Variants in ACSL4 observed in about 807,000 individuals in gnomAD.
ACSL4 encodes the protein acyl-CoA synthetase long chain family member 4, also known as long-chain-fatty-acid--CoA ligase 4.
ACSL4 carries 9 observed loss-of-function variants against 49.1 expected under a neutral mutation model. The ratio of observed to expected loss-of-function variants is 0.18; its 90% CI spans 0.11 to 0.32. ACSL4 has a LOEUF of 0.32. Among genes scored for constraint, ACSL4 ranks in the 10% least tolerant of loss-of-function variants. The probability of loss-of-function intolerance (pLI) is 1.00; values close to 1 mark genes in which losing one functional copy is unlikely to be tolerated. For synonymous variants in ACSL4, 191 were observed against 170.3 expected (o/e 1.12, Z -0.95); for missense variants, 333 against 493.7 (o/e 0.67, Z 3.08).
chrX:109,731,816 G>C (rs1306287481), intron 1 of ACSL4, among the ~76,000 whole-genome samples: 1 of 112,110 alleles, frequency 8.9e-6, no homozygotes, highest in Admixed American at 9.4e-5. Flanking sequence ...CAAAAGATGA[G>C]CTATTTTACA....
intron 11 of ACSL4, among the ~76,000 whole-genome samples, chrX:109,665,780 A>T (rs1248646854): frequency 8.9e-6 from 1 of 112,044 alleles, no homozygotes; most frequent in East Asian, 2.8e-4. Context: ...GTCATAAGAT[A>T]GATTTTGATT....
At chrX:109,697,349 G>A (rs1377778632) in intron 1 of ACSL4, among the ~76,000 whole-genome samples, 1 of 111,309 alleles carries the variant, frequency 9.0e-6, no homozygotes, top group East Asian at 2.8e-4. Context: ...TTTTTGTTTT[G>A]TTGGTTTTTT....
chrX:109,675,209 A>C (rs1842609189), intron 8 of ACSL4, among the ~76,000 whole-genome samples: 1 of 113,084 alleles, frequency 8.8e-6, no homozygotes, highest in African/African-American at 3.2e-5. Flanking sequence ...CATGTCCTTC[A>C]GGTCGGAGTT....
intron 14 of ACSL4, among the ~76,000 whole-genome samples, chrX:109,661,204 A>G (rs1237625061): frequency 8.9e-6 from 1 of 112,184 alleles, no homozygotes; most frequent in Non-Finnish European, 1.9e-5. Context: ...TGGGTTCAAA[A>G]TTCATCTCAA....
intron 1 of ACSL4, among the ~76,000 whole-genome samples, chrX:109,702,168 T>C (rs1261552678): frequency 9.1e-6 from 1 of 110,383 alleles, no homozygotes; most frequent in Non-Finnish European, 1.9e-5. Flanking sequence ...TGAGCCAAGA[T>C]TGCATCATTG....
chrX:109,684,244 A>C (rs890762318), intron 2 of ACSL4, among the ~76,000 whole-genome samples: 1 of 112,363 alleles, frequency 8.9e-6, no homozygotes, highest in Non-Finnish European at 1.9e-5. Context: ...CATGGGAGCA[A>C]TACAATTGTA....
chrX:109,669,454 C>T (rs1184020132), intron 9 of ACSL4, among the ~76,000 whole-genome samples: 4 of 106,036 alleles, frequency 3.8e-5, no homozygotes, highest in East Asian at 2.9e-4. Context: ...AGTGCAGTGG[C>T]GGGATCTCGG....
rs768380765 is a variant in ACSL4 at position 109,646,278 on chromosome X, T to C, written c.1856-2092A>G. Among the ~76,000 whole-genome samples, 559 of 111,177 alleles carry C rather than the reference T, an allele frequency of 5.0e-3. 4 individuals are homozygous for C. The highest frequency in any genetic ancestry group is 0.016 in the African/African-American group (488 of 30,517). On this transcript the variant is annotated intron_variant, in intron 15 of 15. Transcript: ENST00000672401. ...GTTAAGGGCAGCCAGAGAGAAAGGTTGGGGTACCCTCAAAGGGAAGCCCAT... is the reference window on the plus strand; with the variant it reads ...GTTAAGGGCAGCCAGAGAGAAAGGTCGGGGTACCCTCAAAGGGAAGCCCAT...
rs1204627369 is a variant in ACSL4 at position 109,679,952 on chromosome X, G to A, written c.655+1046C>T. Reference sequence around the variant, plus strand: ...CAATTCTCTATGGGTCTCATGTTCTGCACATCTTGCAAGCAGAGACATTGA... The same window carrying A: ...CAATTCTCTATGGGTCTCATGTTCTACACATCTTGCAAGCAGAGACATTGA... On this transcript the variant is annotated intron_variant, in intron 6 of 15. Transcript: ENST00000672401. Among the ~76,000 whole-genome samples the A allele has an allele frequency of 2.7e-5, 3 of 111,724 alleles. No homozygotes were observed. In the East Asian group the frequency reaches 8.4e-4, roughly 31 times the overall value.
chrX:109,657,416 G>A (rs759879192), intron 15 of ACSL4, among the ~76,000 whole-genome samples: 2 of 102,220 alleles, frequency 2.0e-5, no homozygotes, highest in African/African-American at 7.3e-5. Context: ...CCCTTCCTGT[G>A]TCCAAGTGTT....
At chrX:109,689,909 A>T (rs183651746) in intron 2 of ACSL4, among the ~76,000 whole-genome samples, 26 of 112,322 alleles carry the variant, frequency 2.3e-4, no homozygotes, top group African/African-American at 7.8e-4. Flanking sequence ...TGTTGGCTTC[A>T]ATCAAATTGT....
chrX:109,693,285 C>CT (rs1925184532), intron 2 of ACSL4, among the ~76,000 whole-genome samples: 1 of 111,230 alleles, frequency 9.0e-6, no homozygotes, highest in Non-Finnish European at 1.9e-5. Flanking sequence ...ACTCATTCTG[C>CT]TTTTCAGTAT....
intron 14 of ACSL4, among the ~76,000 whole-genome samples, chrX:109,660,826 A>G (rs1246370739): frequency 8.9e-6 from 1 of 112,011 alleles, no homozygotes; most frequent in Non-Finnish European, 1.9e-5. Flanking sequence ...AATTAAGCCA[A>G]TCACAAAAAG....
At chrX:109,648,482 T>A (rs1360352981) in intron 15 of ACSL4, among the ~76,000 whole-genome samples, 1 of 111,139 alleles carries the variant, frequency 9.0e-6, no homozygotes, top group Non-Finnish European at 1.9e-5. Flanking sequence ...CAACGCTTCA[T>A]GCTAAAAACT....
rs1922352062 is a variant in ACSL4 at position 109,663,520 on chromosome X, A to ACATT, written c.1391-122_1391-119dup. The ACATT allele has an allele frequency of 7.9e-6, 5 of 636,167 alleles. No individual in the cohort carries two copies. In the Admixed American group the frequency reaches 1.5e-4, roughly 19 times the overall value. 52.4% of individuals were successfully genotyped at this position (636,167 alleles called of 1,213,427 possible). ...AGATTTTATATCACTTTATGAGAGA[A>ACATT]CATTAGTTTATATTTACTAAAATTT... On this transcript the variant is annotated intron_variant, in intron 12 of 15. Coordinates refer to ENST00000672401, the MANE Select transcript of ACSL4 (RefSeq NM_001318510.2).
At chrX:109,672,079 T>TAAAAAAAAAAAAAA (rs764711316) in intron 9 of ACSL4, among the ~76,000 whole-genome samples, 5 of 37,376 alleles carry the variant, frequency 1.3e-4, no homozygotes, top group African/African-American at 2.2e-4. Flanking sequence ...CAATAAATAC[T>TAAAAAAAAAAAAAA]AAAAAAAAAA....
intron 9 of ACSL4, among the ~76,000 whole-genome samples, chrX:109,671,779 C>A (rs1051047443): frequency 9.0e-6 from 1 of 111,466 alleles, no homozygotes; most frequent in Admixed American, 9.4e-5. Flanking sequence ...ACCTTACCCC[C>A]AACCCCATGC....
At chrX:109,672,744 T>A (rs911096961) in intron 9 of ACSL4, among the ~76,000 whole-genome samples, 4 of 109,002 alleles carry the variant, frequency 3.7e-5, no homozygotes, top group Non-Finnish European at 7.6e-5. Context: ...TAGGGAACAT[T>A]ACTATCTCGA....
intron 1 of ACSL4, among the ~76,000 whole-genome samples, chrX:109,720,524 A>G (rs1927466618): frequency 8.9e-6 from 1 of 111,948 alleles, no homozygotes; most frequent in Non-Finnish European, 1.9e-5. Flanking sequence ...TTTGAGCTGT[A>G]TAACATACTT....
Sources: allele counts gnomAD v4.1 joint callset (sites outside exome capture counted in the v4.1 genomes callset), GRCh38; gene constraint gnomAD v4.1.1; transcripts MANE v1.5; gene names NCBI Gene and HGNC (gene_info 2026-07-23, HGNC 2026-07-21).